The following CSF3R variants were observed in gnomAD, a reference collection of about 807,000 sequenced individuals.
CSF3R encodes granulocyte colony-stimulating factor receptor.
Under a neutral mutation model 84.4 loss-of-function variants are expected in CSF3R, and 52 were observed. The ratio of observed to expected loss-of-function variants is 0.62; its 90% CI spans 0.49 to 0.78. The LOEUF (loss-of-function observed/expected upper bound fraction) is 0.78. Among genes scored for constraint, CSF3R ranks in the 30% least tolerant of loss-of-function variants. CSF3R has a pLI of 0.00. For missense variants in CSF3R, 890 were observed against 1,055.7 expected (o/e 0.84, Z 2.17); for synonymous variants, 384 against 429.1 (o/e 0.89, Z 1.30).
At chr1:36,480,164 C>T (rs187797622) in intron 2 of CSF3R, 156 of 162,904 alleles carry the variant, frequency 9.6e-4, no homozygotes, top group Non-Finnish European at 1.2e-3. Flanking sequence ...GGTGTTCATT[C>T]CCTGGCACAT....
chr1:36,475,250 G>A (rs886613200), intron 4 of CSF3R, 127 bp downstream of exon 4: 131 of 1,163,700 alleles, frequency 1.1e-4, no homozygotes, highest in Middle Eastern at 2.8e-4. Flanking sequence ...CAGGTGATCC[G>A]CCTGCCTCGG....
chr1:36,472,637 C>T lies in CSF3R; in HGVS notation c.723G>A (p.Ala241=), dbSNP rs202080839. Residue 241 remains alanine (A), a synonymous_variant, in exon 7 of 17, where the codon GCG becomes GCA. Coordinates refer to ENST00000373106, the MANE Select transcript of CSF3R (RefSeq NM_000760.4). This position sits in a 1 kb window ranked among gnomAD's most constrained non-coding sequence, Gnocchi z 5.0. ...MLRTMDPSPE[A]APPQAGCLQL... ...GTAGGCAGCCTGCCTGGGGAGGGGC[C>T]GCTTCAGGGCTGGGGTCCATGGTCC... is the stretch of plus-strand genomic sequence containing the variant. 13 of 1,611,418 alleles carry T rather than the reference C, an allele frequency of 8.1e-6. No individual in the cohort carries two copies. Among genetic ancestry groups the T allele is most frequent in the Middle Eastern group, 1.8e-4 (1 of 5,556 alleles).
intron 3 of CSF3R, 102 bp from the exon 4 acceptor site, chr1:36,475,775 G>T: frequency 8.5e-7 from 1 of 1,181,744 alleles, no homozygotes; most frequent in Non-Finnish European, 1.2e-6. Context: ...TCACCTTCCT[G>T]TCTCACCCTT....
At position 36,467,716 on chromosome 1, in the gene CSF3R, C is replaced by T. The variant is rs3917999; in HGVS notation, c.1865-65G>A. 0.017 allele frequency: 26,878 copies of T among 1,610,928 alleles called. 431 individuals carry two copies. The highest frequency in any genetic ancestry group is 0.057 in the East Asian group (2,562 of 44,862). Reference sequence around the variant, plus strand: ...TTGGGAAGGCTGGGTCTCCTCCCTCCGACCAGGGGATTCAAAGTCAGTCCC... The same window carrying T: ...TTGGGAAGGCTGGGTCTCCTCCCTCTGACCAGGGGATTCAAAGTCAGTCCC... On this transcript the variant is annotated intron_variant, in intron 14 of 16. Coordinates refer to ENST00000373106, the MANE Select transcript of CSF3R (RefSeq NM_000760.4). This position sits in a 1 kb window ranked among gnomAD's most constrained non-coding sequence, Gnocchi z 4.1.
chr1:36,466,738 C>T lies in CSF3R; in HGVS notation c.2130G>A (p.Glu710=), dbSNP rs370491074. 6.2e-7 allele frequency: 1 copy of T among 1,614,120 alleles called. No individual in the cohort carries two copies. The highest frequency in any genetic ancestry group is 8.5e-7 in the Non-Finnish European group (1 of 1,180,050). The change falls in exon 17 of 17, where the codon GAG becomes GAA. Residue 710 remains glutamate (E), a synonymous_variant. Transcript: ENST00000373106. The surrounding 1 kb of genome is among the most constrained non-coding windows in gnomAD (Gnocchi z 4.6). ...EEDEKKPVPW[E]SHNSSETCGL... ...CACAGGTCTCTGAGCTGTTATGGGA[C>T]TCCCAGGGCACCGGCTTCTTTTCAT...
chr1:36,480,809 A>G lies in CSF3R; in HGVS notation c.-21+669T>C, dbSNP rs1228866974. Among the ~76,000 whole-genome samples the G allele has an allele frequency of 4.6e-5, 7 of 152,198 alleles. No individual in the cohort carries two copies. In the East Asian group the frequency reaches 9.6e-4, roughly 21 times the overall value. On this transcript the variant is annotated intron_variant, in intron 2 of 16. Coordinates refer to ENST00000373106, the MANE Select transcript of CSF3R (RefSeq NM_000760.4). The stretch of plus-strand genomic sequence containing the variant: ...ACCCAAACCCCCAGTCTATCCATGT[A>G]TATATTGCAGTATCGGAATACCCAG...
In CSF3R at chr1:36,479,452, G is replaced by T; in HGVS notation, c.45C>A (p.Ile15=). Residue 15 remains isoleucine (I), a synonymous_variant, in exon 3 of 17, where the codon ATC becomes ATA. Coordinates refer to ENST00000373106, the MANE Select transcript of CSF3R (RefSeq NM_000760.4). ...GNCSLTWAAL[I]ILLLPGSLEE... ...ACTCACTTCCGGGGAGCAGCAGGAT[G>T]ATCAGGGCAGCCCAAGTCAGGCTGC... 6.2e-7 allele frequency: 1 copy of T among 1,614,160 alleles called. No homozygotes were observed. The highest frequency in any genetic ancestry group is 1.1e-5 in the South Asian group (1 of 91,058).
At position 36,471,578 on chromosome 1, in the gene CSF3R, C is replaced by G. The variant is rs760105431; in HGVS notation, c.1140G>C (p.Gln380His). The G allele has an allele frequency of 9.0e-5, 146 of 1,614,120 alleles. No homozygotes were observed. Among genetic ancestry groups the G allele is most frequent in the Non-Finnish European group, 1.2e-4 (142 of 1,180,048 alleles). The change falls in exon 10 of 17, where the codon CAG becomes CAC. Residue 380 changes from glutamine to histidine, a missense_variant. Gln to His is a conservative substitution (Grantham distance 24). Coordinates refer to ENST00000373106, the MANE Select transcript of CSF3R (RefSeq NM_000760.4). The stretch of plus-strand genomic sequence containing the variant: ...TGCAGAGGGGCAGGATGGCCCCAGC[C>G]TGGCCTGAGGGTCTCCAAGAAACCA... ...GYVVSWRPSG[Q>H]AGAILPLCNT...
rs1471440405 is a variant in CSF3R at position 36,482,796 on chromosome 1, G to T, written c.-81+15C>A. On this transcript the variant is annotated intron_variant, in intron 1 of 16. Coordinates refer to ENST00000373106, the MANE Select transcript of CSF3R (RefSeq NM_000760.4). The stretch of plus-strand genomic sequence containing the variant: ...AGCCCAAGGCTCAGCCCCTCTCTAG[G>T]GATCCCCTACTCACGTTGGCACCTC... 2 of 152,384 alleles carry T rather than the reference G, an allele frequency of 1.3e-5. No homozygotes were observed. Among genetic ancestry groups the T allele is most frequent in the Non-Finnish European group, 2.9e-5 (2 of 68,226 alleles). 9.4% of individuals were successfully genotyped at this position (152,384 alleles called of 1,614,324 possible). A position where few individuals can be genotyped will look rare whatever the true frequency, so the allele number is the denominator to read the frequency against.
At chr1:36,468,307 T>A (rs893075798) in intron 12 of CSF3R, 86 bp from the exon 13 acceptor site, 8 of 1,403,164 alleles carry the variant, frequency 5.7e-6, no homozygotes, top group Admixed American at 2.5e-5. Context: ...CCAGACACTG[T>A]GGGGTGGGTG....
rs1650460101 is a variant in CSF3R at position 36,468,098 on chromosome 1, G to A, written c.1700C>T (p.Thr567Ile). 6.2e-7 allele frequency: 1 copy of A among 1,614,242 alleles called. No homozygotes were observed. The highest frequency in any genetic ancestry group is 8.5e-7 in the Non-Finnish European group (1 of 1,180,046). ...SPLTHYTIFW[T>I]NAQNQSFSAI... The stretch of plus-strand genomic sequence containing the variant: ...ACAGAAGGACTGGTTCTGAGCGTTG[G>A]TCCAGAAGATGGTGTAGTGGGTAAG... The change falls in exon 13 of 17, where the codon ACC becomes ATC. Residue 567 changes from threonine to isoleucine, a missense_variant. By Grantham distance (89) the Thr-to-Ile change is moderately conservative. Transcript: ENST00000373106.
At chr1:36,478,502 C>G (rs1334289840) in intron 3 of CSF3R, among the ~76,000 whole-genome samples, 2 of 151,896 alleles carry the variant, frequency 1.3e-5, no homozygotes, top group Non-Finnish European at 2.9e-5. Context: ...GTACTTCAGC[C>G]TGGGCAAGAG....
rs1168812016 is a variant in CSF3R at position 36,472,162 on chromosome 1, G to A, written c.998-23C>T. ...GGGCTGTGGATGGAACAAGAAGAGGGGGTGCCAGTTGGGGAGGGGCCTGGG... is the reference window on the plus strand; with the variant it reads ...GGGCTGTGGATGGAACAAGAAGAGGAGGTGCCAGTTGGGGAGGGGCCTGGG... On this transcript the variant is annotated intron_variant, in intron 8 of 16. Coordinates refer to ENST00000373106, the MANE Select transcript of CSF3R (RefSeq NM_000760.4). This position sits in a 1 kb window ranked among gnomAD's most constrained non-coding sequence, Gnocchi z 5.0. The A allele has an allele frequency of 6.2e-7, 1 of 1,613,938 alleles. No individual in the cohort carries two copies. Among genetic ancestry groups the A allele is most frequent in the Non-Finnish European group, 8.5e-7 (1 of 1,179,990 alleles).
At position 36,472,050 on chromosome 1, in the gene CSF3R, C is replaced by T. The variant is rs1427407298; in HGVS notation, c.1071+16G>A. ...GGAGGTGTCGAGGTGGAGGGATGGC[C>T]TTCAGAGGGAGTCACCTTCCAGAAC... On this transcript the variant is annotated intron_variant, in intron 9 of 16. Transcript: ENST00000373106. The surrounding 1 kb of genome is among the most constrained non-coding windows in gnomAD (Gnocchi z 5.0). 1 of 1,612,646 alleles carries T rather than the reference C, an allele frequency of 6.2e-7. No homozygotes were observed.
chr1:36,472,898 G>A lies in CSF3R; in HGVS notation c.674-212C>T. 1 of 588,670 alleles carries A rather than the reference G, an allele frequency of 1.7e-6. No individual in the cohort carries two copies. Among genetic ancestry groups the A allele is most frequent in the Non-Finnish European group, 2.8e-6 (1 of 351,122 alleles). 36.5% of individuals were successfully genotyped at this position (588,670 alleles called of 1,614,324 possible). On this transcript the variant is annotated intron_variant, in intron 6 of 16. Transcript: ENST00000373106. This position sits in a 1 kb window ranked among gnomAD's most constrained non-coding sequence, Gnocchi z 5.0. ...TTTGCACTGGTTGTTACTTCTGCTT[G>A]AAATGTTTTCCCTCCAGATATCCAG... is the stretch of plus-strand genomic sequence containing the variant.
intron 10 of CSF3R, among the ~76,000 whole-genome samples, chr1:36,470,946 G>A (rs1003085961): frequency 3.3e-5 from 5 of 152,218 alleles, no homozygotes; most frequent in Non-Finnish European, 7.3e-5. Context: ...CTCAGTAGGT[G>A]CTGTTATCAT....
At position 36,467,217 on chromosome 1, in the gene CSF3R, C is replaced by T. The variant is rs1194540149; in HGVS notation, c.2040+13G>A. On this transcript the variant is annotated intron_variant, in intron 16 of 16. Coordinates refer to ENST00000373106, the MANE Select transcript of CSF3R (RefSeq NM_000760.4). The surrounding 1 kb of genome is among the most constrained non-coding windows in gnomAD (Gnocchi z 4.1). Reference sequence around the variant, plus strand: ...ATCCCCATCTCATTTCCCTCTCCCTCCTGGATTCTCACCTCCTCCATGATT... The same window carrying T: ...ATCCCCATCTCATTTCCCTCTCCCTTCTGGATTCTCACCTCCTCCATGATT... The T allele has an allele frequency of 1.1e-5, 17 of 1,613,894 alleles. No homozygotes were observed. The highest frequency in any genetic ancestry group is 1.4e-5 in the Non-Finnish European group (16 of 1,179,716).
At chr1:36,471,317 G>A (rs1244995831) in intron 10 of CSF3R, 116 bp downstream of exon 10, 1 of 1,046,322 alleles carries the variant, frequency 9.6e-7, no homozygotes, top group Non-Finnish European at 1.5e-6. Context: ...AAAGTGCTGG[G>A]ATTACAGGCG....
rs1553151660 is a variant in CSF3R at position 36,467,286 on chromosome 1, C to T, written c.1984G>A (p.Val662Ile). 6.2e-7 allele frequency: 1 copy of T among 1,614,230 alleles called. No homozygotes were observed. The highest frequency in any genetic ancestry group is 1.1e-5 in the South Asian group (1 of 91,088). The change falls in exon 16 of 17, where the codon GTC becomes ATC. Residue 662 changes from valine (V) to isoleucine (I), a missense_variant. Coordinates refer to ENST00000373106, the MANE Select transcript of CSF3R (RefSeq NM_000760.4). The surrounding 1 kb of genome is among the most constrained non-coding windows in gnomAD (Gnocchi z 4.1). Reference protein sequence around the residue: ...PNRKNPLWPSVPDPAHSSLGS... With the variant: ...PNRKNPLWPSIPDPAHSSLGS... The stretch of plus-strand genomic sequence containing the variant: ...AGGCTGCTGTGAGCTGGGTCTGGGA[C>T]ACTTGGCCAGAGGGGATTCTTCCTG...
Sources: allele counts gnomAD v4.1 joint callset (sites outside exome capture counted in the v4.1 genomes callset), GRCh38; gene constraint gnomAD v4.1.1; non-coding constraint Gnocchi (gnomAD v3.1); transcripts MANE v1.5; gene names NCBI Gene and HGNC (gene_info 2026-07-23, HGNC 2026-07-21).